MYO1D: variants seen among roughly 807,000 people sequenced by gnomAD.
MYO1D encodes the protein unconventional myosin-Id.
MYO1D carries 83 observed loss-of-function variants against 122.0 expected under a neutral mutation model. That is an observed-to-expected ratio of 0.68 (90% CI 0.57 to 0.82). The LOEUF is 0.82. MYO1D is among the 40% of genes least tolerant of loss of function. The pLI is 0.00. For synonymous variants in MYO1D, 464 were observed against 446.9 expected (o/e 1.04, Z -0.48); for missense variants, 1,157 against 1,269.5 (o/e 0.91, Z 1.35).
chr17:32,839,696 A>G (rs1032247131), intron 1 of MYO1D, among the ~76,000 whole-genome samples: 13 of 152,212 alleles, frequency 8.5e-5, no homozygotes, highest in Admixed American at 2.6e-4. Flanking sequence ...GACAGGACAC[A>G]TAATTCTGTG....
intron 1 of MYO1D, among the ~76,000 whole-genome samples, chr17:32,810,200 G>A (rs2090556935): frequency 6.6e-6 from 1 of 152,130 alleles, no homozygotes; most frequent in South Asian, 2.1e-4. Flanking sequence ...TGAGGAAGCT[G>A]CAGAGAAGAG....
chr17:32,611,488 T>C (rs780252742), intron 20 of MYO1D, among the ~76,000 whole-genome samples: 5 of 152,036 alleles, frequency 3.3e-5, no homozygotes, highest in Non-Finnish European at 7.4e-5. Context: ...TACCTAGGCA[T>C]ACAAAAATAA....
intron 4 of MYO1D, among the ~76,000 whole-genome samples, chr17:32,773,117 C>T (rs993451869): frequency 6.6e-6 from 1 of 152,220 alleles, no homozygotes; most frequent in Non-Finnish European, 1.5e-5. Flanking sequence ...GACTGACTTA[C>T]GACCTCAAGT....
At position 32,748,944 on chromosome 17, in the gene MYO1D, G is replaced by C; in HGVS notation, c.1530C>G (p.Gly510=). ...DRDFRIRHYA[G]DVVYSVIGFI... ...CAAGGTAAGATACTCACACTACATC[G>C]CCTGCATAATGTCGAATTCGAAAAT... The change falls in exon 12 of 22, where the codon GGC becomes GGG. Residue 510 remains glycine, a synonymous_variant. Coordinates refer to ENST00000318217, the MANE Select transcript of MYO1D (RefSeq NM_015194.3). 6.2e-7 allele frequency: 1 copy of C among 1,612,918 alleles called. No individual in the cohort carries two copies. Among genetic ancestry groups the C allele is most frequent in the Non-Finnish European group, 8.5e-7 (1 of 1,179,000 alleles).
In MYO1D at chr17:32,526,432, T is replaced by C. The variant is rs114126439; in HGVS notation, c.2865-31517A>G. 2.6e-3 allele frequency among the ~76,000 whole-genome samples: 392 copies of C among 152,322 alleles called. 3 individuals carry two copies. The highest frequency in any genetic ancestry group is 8.8e-3 in the African/African-American group (366 of 41,554). On this transcript the variant is annotated intron_variant, in intron 21 of 21. Transcript: ENST00000318217. ...TAAAGTCCTTTGTCAGTTATGAGTT[T>C]GAAAAAATCTTCAAGTGTGCATATA... is the stretch of plus-strand genomic sequence containing the variant.
At chr17:32,567,802 A>G (rs901528681) in intron 21 of MYO1D, among the ~76,000 whole-genome samples, 1 of 152,234 alleles carries the variant, frequency 6.6e-6, no homozygotes, top group Admixed American at 6.5e-5. Context: ...AGTGCCTTGC[A>G]TCATTGAGGC....
In MYO1D at chr17:32,547,744, C is replaced by G. The variant is rs192823321; in HGVS notation, c.2865-52829G>C. Among the ~76,000 whole-genome samples, 823 of 152,178 alleles carry G rather than the reference C, an allele frequency of 5.4e-3. 7 individuals are homozygous for G. The highest frequency in any genetic ancestry group is 0.019 in the African/African-American group (787 of 41,536). Reference sequence around the variant, plus strand: ...GGCCGATCACTTGAGGCCAGGAGATCGAGACCAGCCTGGCCAACATGGCGA... The same window carrying G: ...GGCCGATCACTTGAGGCCAGGAGATGGAGACCAGCCTGGCCAACATGGCGA... On this transcript the variant is annotated intron_variant, in intron 21 of 21. Transcript: ENST00000318217.
At chr17:32,616,948 C>T (rs2087777074) in intron 20 of MYO1D, among the ~76,000 whole-genome samples, 1 of 152,144 alleles carries the variant, frequency 6.6e-6, no homozygotes, top group Non-Finnish European at 1.5e-5. Context: ...TGCCTGTAAT[C>T]CCAGCATATT....
chr17:32,762,181 A>G (rs2090008347), intron 8 of MYO1D, among the ~76,000 whole-genome samples: 1 of 151,932 alleles, frequency 6.6e-6, no homozygotes. Flanking sequence ...GAGCAGTCCA[A>G]GCAGAGGGAA....
intron 16 of MYO1D, among the ~76,000 whole-genome samples, chr17:32,662,007 A>G (rs527481272): frequency 6.6e-6 from 1 of 152,264 alleles, no homozygotes; most frequent in Non-Finnish European, 1.5e-5. Context: ...TGCTTTATTT[A>G]CTATAAACCT....
chr17:32,804,352 A>G (rs1247890627), intron 1 of MYO1D, among the ~76,000 whole-genome samples: 1 of 152,250 alleles, frequency 6.6e-6, no homozygotes, highest in East Asian at 1.9e-4. Flanking sequence ...AGAGGGCTCT[A>G]ATAGTATGAC....
chr17:32,835,920 C>T (rs536201746), intron 1 of MYO1D, among the ~76,000 whole-genome samples: 4 of 152,090 alleles, frequency 2.6e-5, no homozygotes, highest in Non-Finnish European at 4.4e-5. Flanking sequence ...GTTCATACTG[C>T]GCTCACTATG....
At chr17:32,747,509 G>A (rs1048280113) in intron 12 of MYO1D, among the ~76,000 whole-genome samples, 4 of 151,808 alleles carry the variant, frequency 2.6e-5, no homozygotes, top group Non-Finnish European at 5.9e-5. Context: ...TATTCAGATG[G>A]GCTCTACATA....
intron 16 of MYO1D, among the ~76,000 whole-genome samples, chr17:32,702,292 T>G (rs2089257773): frequency 6.6e-6 from 1 of 152,224 alleles, no homozygotes; most frequent in Non-Finnish European, 1.5e-5. Context: ...ATTGATAAAA[T>G]CACATACCCT....
intron 14 of MYO1D, among the ~76,000 whole-genome samples, chr17:32,734,419 C>T (rs1460164898): frequency 6.6e-6 from 1 of 151,520 alleles, no homozygotes; most frequent in Non-Finnish European, 1.5e-5. Context: ...TTTTTTGTTC[C>T]ATTACTTTAA....
At chr17:32,719,368 G>C (rs895201633) in intron 15 of MYO1D, among the ~76,000 whole-genome samples, 2 of 54,792 alleles carry the variant, frequency 3.7e-5, no homozygotes, top group Non-Finnish European at 8.0e-5. Context: ...TTTTTTTTTT[G>C]AGACGGAGTC....
intron 1 of MYO1D, among the ~76,000 whole-genome samples, chr17:32,786,646 G>A (rs561793813): frequency 6.6e-6 from 1 of 152,198 alleles, no homozygotes; most frequent in Admixed American, 6.5e-5. Flanking sequence ...ATGGCGAAAC[G>A]CCGGCTCTAC....
At chr17:32,619,143 G>C (rs773386607) in intron 20 of MYO1D, among the ~76,000 whole-genome samples, 1 of 152,114 alleles carries the variant, frequency 6.6e-6, no homozygotes, top group Non-Finnish European at 1.5e-5. Context: ...CATAGCTCAA[G>C]AAATCACTTC....
chr17:32,823,359 CATTTTATATACATATATATAT>C (rs1168602881), intron 1 of MYO1D, among the ~76,000 whole-genome samples: 1 of 152,094 alleles, frequency 6.6e-6, no homozygotes, highest in Non-Finnish European at 1.5e-5. Flanking sequence ...CTGCAGCATT[CATTTTATATACATATATATAT>C]AAAATATTTT....
Sources: gnomAD v4.1 joint callset for allele counts (sites outside exome capture counted in the v4.1 genomes callset) on GRCh38, gnomAD v4.1.1 for gene constraint, MANE v1.5 for transcripts, NCBI Gene and HGNC (gene_info 2026-07-23, HGNC 2026-07-21) for gene names.